Variants in ESR1 observed in about 807,000 individuals in gnomAD.
The protein encoded by ESR1 is estrogen receptor 1.
ESR1 carries 12 observed loss-of-function variants against 52.7 expected under a neutral mutation model. The observed-to-expected ratio is 0.23, with a 90% confidence interval of 0.15 to 0.37. The LOEUF is 0.37. ESR1 is among the 10% of genes least tolerant of loss of function. The pLI is 1.00. For synonymous variants in ESR1, 305 were observed against 316.8 expected (o/e 0.96, Z 0.39); for missense variants, 584 against 779.7 (o/e 0.75, Z 2.99).
At chr6:152,007,271 G>A (rs564410758) in intron 4 of ESR1, among the ~76,000 whole-genome samples, 2 of 152,070 alleles carry the variant, frequency 1.3e-5, no homozygotes, top group South Asian at 4.1e-4. Flanking sequence ...CCTGGGGCAG[G>A]GAGGTGGACA....
intron 4 of ESR1, among the ~76,000 whole-genome samples, chr6:151,993,587 G>T (rs371160696): frequency 6.6e-6 from 1 of 152,186 alleles, no homozygotes; most frequent in Non-Finnish European, 1.5e-5. Context: ...TGCAGATCCC[G>T]CTCTTCTCAA....
intron 4 of ESR1, among the ~76,000 whole-genome samples, chr6:151,950,948 G>A (rs545099041): frequency 6.6e-6 from 1 of 151,762 alleles, no homozygotes; most frequent in East Asian, 1.9e-4. Context: ...TAAGGAGGAA[G>A]GTTTGGCTCA....
chr6:151,772,215 C>T (rs1223233026), intron 2 of ESR1, among the ~76,000 whole-genome samples: 2 of 152,140 alleles, frequency 1.3e-5, no homozygotes, highest in Admixed American at 6.5e-5. Flanking sequence ...TTTGGAACAA[C>T]AGGAAGTGAG....
At chr6:151,717,220 GGTACCTCA>G (rs369250919) in intron 2 of ESR1, among the ~76,000 whole-genome samples, 1 of 152,162 alleles carries the variant, frequency 6.6e-6, no homozygotes, top group African/African-American at 2.4e-5. Context: ...AGATGAGCTG[GGTACCTCA>G]GTTGGAAATG....
In ESR1 at chr6:152,055,145, T is replaced by C. The variant is rs145483154; in HGVS notation, c.1236-5846T>C. On this transcript the variant is annotated intron_variant, in intron 5 of 7. Coordinates refer to ENST00000206249, the MANE Select transcript of ESR1 (RefSeq NM_000125.4). ...TATTGTGAATAATGCTACAGTGAAC[T>C]TGGGAGTGCAGATATCTCTTCAACA... Among the ~76,000 whole-genome samples, 1,036 of 152,284 alleles carry C rather than the reference T, an allele frequency of 6.8e-3. 14 individuals are homozygous for C. The highest frequency in any genetic ancestry group is 0.024 in the African/African-American group (977 of 41,558).
chr6:152,030,479 G>A (rs2044592441), intron 5 of ESR1, among the ~76,000 whole-genome samples: 1 of 152,174 alleles, frequency 6.6e-6, no homozygotes, highest in South Asian at 2.1e-4. Flanking sequence ...AAAGGCAGGG[G>A]TTGCAATCCT....
chr6:151,998,547 G>C (rs958218842), intron 4 of ESR1, among the ~76,000 whole-genome samples: 3 of 152,052 alleles, frequency 2.0e-5, no homozygotes, highest in African/African-American at 7.2e-5. Flanking sequence ...TGCACTGGAG[G>C]AGGAGTATCT....
intron 5 of ESR1, among the ~76,000 whole-genome samples, chr6:152,049,121 A>G (rs1379288557): frequency 6.6e-6 from 1 of 152,238 alleles, no homozygotes; most frequent in African/African-American, 2.4e-5. Flanking sequence ...CTCTTAAACT[A>G]TGTAAACTGA....
At chr6:151,704,939 C>T (rs1228195433) in intron 2 of ESR1, among the ~76,000 whole-genome samples, 1 of 149,968 alleles carries the variant, frequency 6.7e-6, no homozygotes, top group Non-Finnish European at 1.5e-5. Context: ...GGGCTTAGAT[C>T]CTGAAGTTTC....
At chr6:152,007,454 A>G (rs1031136320) in intron 4 of ESR1, among the ~76,000 whole-genome samples, 1 of 151,994 alleles carries the variant, frequency 6.6e-6, no homozygotes, top group Non-Finnish European at 1.5e-5. Flanking sequence ...ACTCCCCTCA[A>G]TTTTATTAGC....
chr6:152,013,166 C>A (rs1463613678), intron 5 of ESR1, among the ~76,000 whole-genome samples: 1 of 152,092 alleles, frequency 6.6e-6, no homozygotes, highest in East Asian at 1.9e-4. Flanking sequence ...TTACCGTGTT[C>A]TTTCCTTTCC....
chr6:151,841,291 T>C (rs1193040730), intron 1 of ESR1, among the ~76,000 whole-genome samples: 2 of 152,190 alleles, frequency 1.3e-5, no homozygotes, highest in Non-Finnish European at 2.9e-5. Context: ...CTTTTCCTAT[T>C]CTCCTCCAAG....
rs1374674051 is a variant in ESR1 at position 152,101,566 on chromosome 6, T to C, written c.*2600T>C. On this transcript the variant is annotated 3_prime_UTR_variant, in exon 8 of 8. Transcript: ENST00000206249. Reference sequence around the variant, plus strand: ...GGGGTCTCCAGCAACTTTGGAAATCTCTTTGTATTTTTACTTGAAGTGCCA... The same window carrying C: ...GGGGTCTCCAGCAACTTTGGAAATCCCTTTGTATTTTTACTTGAAGTGCCA... 4.3e-6 allele frequency: 1 copy of C among 230,946 alleles called. No homozygotes were observed. Among genetic ancestry groups the C allele is most frequent in the East Asian group, 6.2e-5 (1 of 16,220 alleles). 14.3% of individuals were successfully genotyped at this position (230,946 alleles called of 1,614,324 possible). A position where few individuals can be genotyped will look rare whatever the true frequency, so the allele number is the denominator to read the frequency against.
At chr6:152,011,555 T>A in intron 4 of ESR1, 101 bp from the exon 5 acceptor site, 1 of 1,322,334 alleles carries the variant, frequency 7.6e-7, no homozygotes, top group Non-Finnish European at 1.1e-6. Context: ...CTCCATCTAG[T>A]AGAAAATAGA....
chr6:152,027,126 C>T (rs1439420352), intron 5 of ESR1, among the ~76,000 whole-genome samples: 1 of 152,060 alleles, frequency 6.6e-6, no homozygotes, highest in Non-Finnish European at 1.5e-5. Flanking sequence ...GCCACCCCAC[C>T]TGGCTAATTT....
In ESR1 at chr6:152,004,810, A is replaced by G. The variant is rs140864879; in HGVS notation, c.1097-6846A>G. ...TTGGCAAGTTTGCATATTTACATAG[A>G]TATCATGACCTTCATCATTCATACT... On this transcript the variant is annotated intron_variant, in intron 4 of 7. Transcript: ENST00000206249. Among the ~76,000 whole-genome samples the G allele has an allele frequency of 1.3e-3, 204 of 152,132 alleles. 2 individuals carry two copies. The highest frequency in any genetic ancestry group is 2.6e-4 in the Non-Finnish European group (18 of 67,946).
rs1448094262 is a variant in ESR1, at chr6:152,099,387, T to C, written c.*421T>C. The C allele has an allele frequency of 9.3e-6, 3 of 322,844 alleles. No individual in the cohort carries two copies. The highest frequency in any genetic ancestry group is 1.7e-5 in the Non-Finnish European group (3 of 171,570). The allele number at this position is 322,844 out of a possible 1,614,324, so 20.0% of individuals were successfully genotyped here. On this transcript the variant is annotated 3_prime_UTR_variant, in exon 8 of 8. Transcript: ENST00000206249. ...TCTAAGAATAAGCCACAGCAAAGAA[T>C]TTAAAGTGGCTCCTTTAATTGGTGA...
chr6:151,972,402 A>T (rs541631812), intron 4 of ESR1, among the ~76,000 whole-genome samples: 1 of 152,364 alleles, frequency 6.6e-6, no homozygotes, highest in Admixed American at 6.5e-5. Flanking sequence ...AAAAATCCTT[A>T]ACAAAATACT....
intron 2 of ESR1, among the ~76,000 whole-genome samples, chr6:151,796,041 C>CT (rs1171752543): frequency 6.6e-6 from 1 of 151,202 alleles, no homozygotes; most frequent in Non-Finnish European, 1.5e-5. Context: ...TGGCGGGTGC[C>CT]TGTAGTCCCA....
Sources: allele counts gnomAD v4.1 joint callset (sites outside exome capture counted in the v4.1 genomes callset), GRCh38; gene constraint gnomAD v4.1.1; transcripts MANE v1.5; gene names NCBI Gene and HGNC (gene_info 2026-07-23, HGNC 2026-07-21).